EPHA4: variants seen among roughly 807,000 people sequenced by gnomAD.
EPHA4 encodes EPH receptor A4.
Under a neutral mutation model 108.3 loss-of-function variants are expected in EPHA4, and 19 were observed. The ratio of observed to expected loss-of-function variants is 0.18; its 90% confidence interval spans 0.12 to 0.26. The LOEUF (loss-of-function observed/expected upper bound fraction) is 0.26. EPHA4 is among the 10% of genes least tolerant of loss of function. The probability of loss-of-function intolerance (pLI) is 1.00; values close to 1 mark genes in which losing one functional copy is unlikely to be tolerated. For synonymous variants in EPHA4, 449 were observed against 455.5 expected (o/e 0.99, Z 0.18); for missense variants, 917 against 1,254.0 (o/e 0.73, Z 4.06).
At chr2:221,441,818 G>A (rs184877228) in intron 11 of EPHA4, among the ~76,000 whole-genome samples, 1 of 152,214 alleles carries the variant, frequency 6.6e-6, no homozygotes, top group East Asian at 1.9e-4. Flanking sequence ...GAGGGGTCCA[G>A]GAAACTTACC....
rs186384603 is a variant in EPHA4 at position 221,420,720 on chromosome 2, G to A, written c.*820-168C>T. 2.2e-3 allele frequency among the ~76,000 whole-genome samples: 325 copies of A among 148,988 alleles called. 1 individual carries two copies. Among genetic ancestry groups the A allele is most frequent in the African/African-American group, 7.6e-3 (303 of 40,018 alleles). On this transcript the variant is annotated intron_variant, in intron 17 of 17. Transcript: ENST00000281821. The stretch of plus-strand genomic sequence containing the variant: ...TTATACTTTCCTTTTCTGAAAAATA[G>A]CAATTATAAGAGCAAAAAAAACCTG...
chr2:221,519,326 C>T (rs898718751), intron 3 of EPHA4, among the ~76,000 whole-genome samples: 4 of 152,060 alleles, frequency 2.6e-5, no homozygotes, highest in Non-Finnish European at 5.9e-5. Context: ...GTTTTCTCGT[C>T]GAACTTTAAA....
At chr2:221,496,137 G>A (rs1049376877) in intron 4 of EPHA4, among the ~76,000 whole-genome samples, 2 of 152,154 alleles carry the variant, frequency 1.3e-5, no homozygotes, top group African/African-American at 2.4e-5. Context: ...GGCAGCGTGC[G>A]AGTGGGGAGA....
intron 5 of EPHA4, among the ~76,000 whole-genome samples, chr2:221,458,958 G>A (rs1041621455): frequency 6.6e-6 from 1 of 152,084 alleles, no homozygotes; most frequent in African/African-American, 2.4e-5. Context: ...TTCCCAAACT[G>A]GGGAAACAAA....
At chr2:221,434,702 CATGA>C (rs1485816213) in intron 13 of EPHA4, among the ~76,000 whole-genome samples, 1 of 152,176 alleles carries the variant, frequency 6.6e-6, no homozygotes, top group Non-Finnish European at 1.5e-5. Flanking sequence ...CTTCAAAAAT[CATGA>C]ATGAAGGAAT....
intron 9 of EPHA4, among the ~76,000 whole-genome samples, chr2:221,444,744 CT>C (rs71266317): frequency 3.3e-4 from 25 of 74,986 alleles, no homozygotes; most frequent in Non-Finnish European, 4.3e-4. Flanking sequence ...TTTTTTCTAT[CT>C]TTTTTTTTTT....
intron 3 of EPHA4, among the ~76,000 whole-genome samples, chr2:221,520,535 CACACACACAGAGAGAG>C (rs1693133084): frequency 8.1e-6 from 1 of 124,094 alleles, no homozygotes; most frequent in African/African-American, 2.8e-5. Context: ...CACACACACA[CACACACACAGAGAGAG>C]AGAGAGAGAG....
intron 1 of EPHA4, among the ~76,000 whole-genome samples, chr2:221,570,640 G>A (rs1694804179): frequency 6.6e-6 from 1 of 151,844 alleles, no homozygotes; most frequent in Non-Finnish European, 1.5e-5. Flanking sequence ...CCGGGTACCG[G>A]CTGCCCAGCC....
At chr2:221,573,930 A>AT (rs1694926965), upstream of EPHA4, 1 of 152,378 alleles carries the variant, frequency 6.6e-6, no homozygotes, top group Non-Finnish European at 1.5e-5. This position sits in a 1 kb window ranked among gnomAD's most constrained non-coding sequence, Gnocchi z 4.5. Context: ...ATGGAATCGG[A>AT]AAGCGTTTCA....
Position 221,443,614 on chromosome 2 carries a change from A to G in EPHA4, c.1775-8T>C, listed in dbSNP as rs1186924376. ...CCACATATGTTCTTACACCTGAGTG[A>G]TAAACATGATAAGTTGGCTGAATAC... On this transcript the variant is annotated splice_polypyrimidine_tract_variant and splice_region_variant and intron_variant, in intron 9 of 17. Coordinates refer to ENST00000281821, the MANE Select transcript of EPHA4 (RefSeq NM_004438.5). The G allele has an allele frequency of 6.9e-6, 11 of 1,597,088 alleles. No individual in the cohort carries two copies. Among genetic ancestry groups the G allele is most frequent in the Non-Finnish European group, 8.6e-6 (10 of 1,165,440 alleles).
chr2:221,461,703 C>T (rs1286620006), intron 5 of EPHA4, among the ~76,000 whole-genome samples: 1 of 152,076 alleles, frequency 6.6e-6, no homozygotes, highest in Non-Finnish European at 1.5e-5. Flanking sequence ...CTAAGTACCA[C>T]CAAATACTTT....
intron 4 of EPHA4, among the ~76,000 whole-genome samples, chr2:221,485,614 TG>T (rs2106144228): frequency 6.6e-6 from 1 of 152,210 alleles, no homozygotes; most frequent in South Asian, 2.1e-4. Flanking sequence ...GAAAAAAACC[TG>T]GGAGAGGACA....
chr2:221,565,262 C>T (rs1468889449), intron 2 of EPHA4, among the ~76,000 whole-genome samples: 1 of 152,182 alleles, frequency 6.6e-6, no homozygotes, highest in African/African-American at 2.4e-5. Flanking sequence ...CACTTCCTAA[C>T]ACAAAGAATC....
chr2:221,426,250 C>A, intron 16 of EPHA4, 108 bp from the exon 17 acceptor site: 1 of 1,087,868 alleles, frequency 9.2e-7, no homozygotes. Context: ...ATTAATACAG[C>A]ACAACAAGGC....
At chr2:221,432,387 C>T (rs4340507) in intron 14 of EPHA4, among the ~76,000 whole-genome samples, 18,126 of 152,122 alleles carry the variant, frequency 0.12, 1,251 homozygotes, top group Middle Eastern at 0.18. Flanking sequence ...AATGTGGCTA[C>T]AAGAAGCTAC....
At chr2:221,421,827 A>C (rs1689770527) in intron 17 of EPHA4, among the ~76,000 whole-genome samples, 1 of 152,224 alleles carries the variant, frequency 6.6e-6, no homozygotes, top group Non-Finnish European at 1.5e-5. Flanking sequence ...ATTTTATCAA[A>C]TCACTTGTCT....
At chr2:221,434,054 C>G in intron 14 of EPHA4, 88 bp downstream of exon 14, 1 of 1,408,142 alleles carries the variant, frequency 7.1e-7, no homozygotes, top group African/African-American at 1.4e-5. Context: ...TGTATCATTT[C>G]AAACCCCGTG....
chr2:221,481,549 G>A (rs1391744097), intron 5 of EPHA4, among the ~76,000 whole-genome samples: 2 of 152,120 alleles, frequency 1.3e-5, no homozygotes, highest in Non-Finnish European at 2.9e-5. Context: ...AGCTACTCGG[G>A]AGGCTGAGGC....
At chr2:221,467,595 T>C (rs1216313107) in intron 5 of EPHA4, among the ~76,000 whole-genome samples, 1 of 152,224 alleles carries the variant, frequency 6.6e-6, no homozygotes, top group Non-Finnish European at 1.5e-5. Context: ...ACAAGTTAGC[T>C]AGTATCTTGA....
Sources: allele counts gnomAD v4.1 joint callset (sites outside exome capture counted in the v4.1 genomes callset), GRCh38; gene constraint gnomAD v4.1.1; non-coding constraint Gnocchi (gnomAD v3.1); transcripts MANE v1.5; gene names NCBI Gene and HGNC (gene_info 2026-07-23, HGNC 2026-07-21).